Variants in USP34 observed in about 807,000 individuals in gnomAD.
USP34 encodes the protein ubiquitin carboxyl-terminal hydrolase 34.
USP34 carries 70 observed loss-of-function variants against 460.3 expected under a neutral mutation model. The ratio of observed to expected loss-of-function variants is 0.15; its 90% CI spans 0.13 to 0.19. USP34 has a LOEUF of 0.19. Ranked by LOEUF, USP34 falls within the 10% of genes least tolerant of loss-of-function variation. The probability of loss-of-function intolerance (pLI) is 1.00; values close to 1 mark genes in which losing one functional copy is unlikely to be tolerated. For missense variants in USP34, 3,985 were observed against 4,236.2 expected, an observed-to-expected ratio of 0.94 and a Z score of 1.65; for synonymous variants, 1,647 against 1,405.3, an observed-to-expected ratio of 1.17 and a Z score of -3.85.
intron 37 of USP34, among the ~76,000 whole-genome samples, chr2:61,282,524 A>G (rs1340416499): frequency 6.6e-6 from 1 of 152,152 alleles, no homozygotes; most frequent in East Asian, 1.9e-4. Flanking sequence ...GCAGCGGCTC[A>G]TGCCTATAAT....
chr2:61,229,651 G>C lies in USP34; in HGVS notation c.7114-18C>G, dbSNP rs754301647. ...TGAAACATCTGTGAAGAAAGAAAAAGATCAAACAAGAGCCAACTCATCAGG... is the reference window on the plus strand; with the variant it reads ...TGAAACATCTGTGAAGAAAGAAAAACATCAAACAAGAGCCAACTCATCAGG... On this transcript the variant is annotated intron_variant, in intron 58 of 79. Transcript: ENST00000398571. The C allele has an allele frequency of 1.9e-6, 3 of 1,596,434 alleles. No homozygotes were observed. Among genetic ancestry groups the C allele is most frequent in the East Asian group, 2.2e-5 (1 of 44,568 alleles).
At chr2:61,201,673 C>A (rs781399864) in intron 75 of USP34, among the ~76,000 whole-genome samples, 8 of 152,116 alleles carry the variant, frequency 5.3e-5, no homozygotes, top group Non-Finnish European at 1.2e-4. Flanking sequence ...ATTTCTCCAC[C>A]ATGTTTAATT....
At chr2:61,431,217 C>G (rs1457325733) in intron 1 of USP34, among the ~76,000 whole-genome samples, 1 of 151,946 alleles carries the variant, frequency 6.6e-6, no homozygotes, top group Non-Finnish European at 1.5e-5. Flanking sequence ...TTCTTTGGAG[C>G]TTTATCAGGT....
At chr2:61,220,192 A>G (rs1687520383) in intron 67 of USP34, 118 bp downstream of exon 67, 2 of 584,768 alleles carry the variant, frequency 3.4e-6, no homozygotes, top group Non-Finnish European at 5.3e-6. Flanking sequence ...AGGAAATAAC[A>G]TCTCCAAGAA....
chr2:61,265,102 A>G (rs1481277915), intron 43 of USP34, among the ~76,000 whole-genome samples: 2 of 152,048 alleles, frequency 1.3e-5, no homozygotes, highest in East Asian at 1.9e-4. Flanking sequence ...TTTTATTCTC[A>G]TATGTTCTCC....
Position 61,380,150 on chromosome 2 carries a change from T to TA in USP34, c.1014+18dup, listed in dbSNP as rs1454339779. The TA allele has an allele frequency of 1.3e-6, 2 of 1,599,336 alleles. No homozygotes were observed. Among genetic ancestry groups the TA allele is most frequent in the African/African-American group, 2.7e-5 (2 of 74,310 alleles). ...AAAACAAATAAACGATGACCAAAAA[T>TA]AAAACAAATACAGCTTACTGTTATC... On this transcript the variant is annotated intron_variant, in intron 7 of 79. Transcript: ENST00000398571.
chr2:61,296,076 C>T (rs1278325406), intron 30 of USP34, among the ~76,000 whole-genome samples: 2 of 151,912 alleles, frequency 1.3e-5, no homozygotes, highest in South Asian at 2.1e-4. Flanking sequence ...TTGGCCAAAA[C>T]GGTGAAACCC....
At chr2:61,341,263 G>C (rs1394883375) in intron 16 of USP34, among the ~76,000 whole-genome samples, 5 of 152,260 alleles carry the variant, frequency 3.3e-5, no homozygotes, top group African/African-American at 9.6e-5. Context: ...CAGCACACAT[G>C]AACAAATCTT....
intron 43 of USP34, chr2:61,265,192 G>A (rs1689012051): frequency 1.8e-6 from 1 of 548,146 alleles, no homozygotes; most frequent in African/African-American, 1.9e-5. Context: ...GTTTTCCTTT[G>A]AGAACTAAAC....
At chr2:61,467,662 G>A (rs1867839) in intron 1 of USP34, among the ~76,000 whole-genome samples, 1 of 134,804 alleles carries the variant, frequency 7.4e-6, no homozygotes, top group Admixed American at 7.8e-5. Flanking sequence ...TTCTGTGGCC[G>A]AGGCTGGAGT....
intron 29 of USP34, among the ~76,000 whole-genome samples, chr2:61,300,010 C>T (rs1468739657): frequency 6.6e-6 from 1 of 152,138 alleles, no homozygotes; most frequent in Non-Finnish European, 1.5e-5. Context: ...CCCAAACCAC[C>T]ACCAAGTGAT....
intron 21 of USP34, among the ~76,000 whole-genome samples, chr2:61,322,614 C>G (rs1200053393): frequency 3.3e-5 from 5 of 152,172 alleles, no homozygotes; most frequent in Admixed American, 3.3e-4. Context: ...AAAGAAATTT[C>G]TTTTATTGGG....
intron 1 of USP34, among the ~76,000 whole-genome samples, chr2:61,437,894 T>C (rs1694862281): frequency 6.6e-6 from 1 of 152,000 alleles, no homozygotes; most frequent in African/African-American, 2.4e-5. Context: ...GCAGGACTGA[T>C]GGGTTCACTG....
chr2:61,335,369 T>C (rs2103740834), intron 18 of USP34, among the ~76,000 whole-genome samples: 1 of 152,298 alleles, frequency 6.6e-6, no homozygotes, highest in East Asian at 1.9e-4. Context: ...ATTTCACAAA[T>C]TCTTTCAAGA....
At position 61,296,837 on chromosome 2, in the gene USP34, T is replaced by G. The variant is rs1282864296; in HGVS notation, c.4217A>C (p.Asn1406Thr). 2.5e-6 allele frequency: 4 copies of G among 1,613,622 alleles called. No homozygotes were observed. Among genetic ancestry groups the G allele is most frequent in the Admixed American group, 3.3e-5 (2 of 59,954 alleles). Residue 1406 changes from asparagine to threonine, a missense_variant, in exon 30 of 80, where the codon AAT (asparagine) becomes ACT (threonine). Physicochemically the swap from Asn to Thr is moderately conservative, Grantham distance 65 (BLOSUM62 0). This residue lies in a region of USP34 where 1,114 missense variants were observed against 1,122.5 expected (regional missense o/e 0.99). Transcript: ENST00000398571. The stretch of plus-strand genomic sequence containing the variant: ...GATATTCTGGAATGCCATCAACATA[T>G]TAGGACATGTAGGAAGAAGCATCAG... ...ELLMLLPTCP[N>T]MLMAFQNISD...
chr2:61,365,256 TACACAC>T (rs34689463), intron 10 of USP34, among the ~76,000 whole-genome samples: 1,555 of 142,408 alleles, frequency 0.011, 25 homozygotes, highest in African/African-American at 0.034. Flanking sequence ...CATTTCAAAA[TACACAC>T]ACACACACAC....
chr2:61,425,825 C>T (rs915758773), intron 1 of USP34, among the ~76,000 whole-genome samples: 1 of 151,978 alleles, frequency 6.6e-6, no homozygotes, highest in African/African-American at 2.4e-5. Context: ...CTGGCATCAC[C>T]CCTTCCCCTC....
At chr2:61,397,441 T>TAAAAAAA in intron 3 of USP34, among the ~76,000 whole-genome samples, 1 of 131,276 alleles carries the variant, frequency 7.6e-6, no homozygotes. Context: ...AGGCTCCATC[T>TAAAAAAA]AAAAAAAAAA....
chr2:61,385,742 C>T (rs990852598), intron 5 of USP34, among the ~76,000 whole-genome samples: 3 of 144,414 alleles, frequency 2.1e-5, no homozygotes, highest in Admixed American at 7.1e-5. Flanking sequence ...GCCTGTAATC[C>T]TAGCACTTCA....
Sources: gnomAD v4.1 joint callset for allele counts (sites outside exome capture counted in the v4.1 genomes callset) on GRCh38, gnomAD v4.1.1 for gene constraint, gnomAD v4.1.1 regional missense constraint, MANE v1.5 for transcripts, NCBI Gene and HGNC (gene_info 2026-07-23, HGNC 2026-07-21) for gene names.